Variants in WDPCP observed in about 807,000 individuals in gnomAD.
WDPCP encodes WD repeat-containing and planar cell polarity effector protein fritz homolog.
A neutral mutation model predicts 93.1 loss-of-function variants in WDPCP; 71 were observed. That is an observed-to-expected ratio of 0.76 (90% CI 0.63 to 0.93). The LOEUF is 0.93. Ranked by LOEUF, WDPCP falls within the 40% of genes least tolerant of loss-of-function variation. The pLI, the probability that WDPCP is intolerant of heterozygous loss-of-function variation, is 0.00. For synonymous variants in WDPCP, 315 were observed against 315.0 expected (o/e 1.00, Z 0.00); for missense variants, 844 against 887.4 (o/e 0.95, Z 0.62).
chr2:63,165,754 T>G (rs377275741), intron 15 of WDPCP, among the ~76,000 whole-genome samples: 1 of 151,582 alleles, frequency 6.6e-6, no homozygotes, highest in East Asian at 1.9e-4. Flanking sequence ...CGAAGTAGTC[T>G]CTTATGATTA....
chr2:63,430,092 G>GA (rs1453174594), intron 9 of WDPCP, among the ~76,000 whole-genome samples: 6 of 151,870 alleles, frequency 4.0e-5, no homozygotes, highest in Non-Finnish European at 8.8e-5. Flanking sequence ...GATACAGCTG[G>GA]AGGCCACTAA....
rs138844982 is a variant in WDPCP at position 63,709,738 on chromosome 2, A to T, written n.309-58900T>A. ...GCATATTTTCCATTCCTACCTTGGG[A>T]TGTATGCTTCTAGAATAATGTATGC... On this transcript the variant is annotated intron_variant and non_coding_transcript_variant, in intron 2 of 4. Coordinates refer to the WDPCP transcript ENST00000467687. Among the ~76,000 whole-genome samples, 3 of 152,268 alleles carry T rather than the reference A, an allele frequency of 2.0e-5. No homozygotes were observed. The East Asian group carries it at 5.8e-4, about 29-fold the overall frequency.
chr2:63,144,539 C>T (rs1333281880), intron 17 of WDPCP, among the ~76,000 whole-genome samples: 1 of 152,248 alleles, frequency 6.6e-6, no homozygotes, highest in Non-Finnish European at 1.5e-5. Flanking sequence ...GAGGGGTGAG[C>T]CACCATGCCT....
intron 2 of WDPCP, among the ~76,000 whole-genome samples, chr2:63,672,892 T>C (rs1281899882): frequency 6.6e-6 from 1 of 152,026 alleles, no homozygotes; most frequent in African/African-American, 2.4e-5. Context: ...CATAGGCATG[T>C]GCCGCCATGC....
chr2:63,331,153 AT>A (rs919222671), intron 12 of WDPCP, among the ~76,000 whole-genome samples: 2 of 152,098 alleles, frequency 1.3e-5, no homozygotes, highest in Non-Finnish European at 2.9e-5. Flanking sequence ...ATCATGCCTA[AT>A]TTTTTTAAAG....
intron 1 of WDPCP, among the ~76,000 whole-genome samples, chr2:63,571,941 A>G (rs1011986083): frequency 2.0e-5 from 3 of 152,196 alleles, no homozygotes; most frequent in Non-Finnish European, 4.4e-5. Context: ...CCAGACACAT[A>G]ATCATGTACT....
In WDPCP at chr2:63,746,509, C is replaced by G. The variant is rs1190476388; in HGVS notation, n.308+67113G>C. ...GACAGAGCCATACTTCTCTTATTACCGAAAACAGGTAAGAGAAATATCGCT... is the reference window on the plus strand; with the variant it reads ...GACAGAGCCATACTTCTCTTATTACGGAAAACAGGTAAGAGAAATATCGCT... On this transcript the variant is annotated intron_variant and non_coding_transcript_variant, in intron 2 of 4. Transcript: ENST00000467687. Among the ~76,000 whole-genome samples the G allele has an allele frequency of 3.3e-5, 5 of 152,066 alleles. No homozygotes were observed. In the East Asian group the frequency reaches 9.7e-4, roughly 29 times the overall value.
intron 13 of WDPCP, among the ~76,000 whole-genome samples, chr2:63,292,132 C>CAAAAAA (rs58370764): frequency 1.5e-3 from 127 of 82,714 alleles, no homozygotes; most frequent in Non-Finnish European, 2.3e-3. Context: ...GACTCCGGCT[C>CAAAAAA]AAAAAAAAAA....
chr2:63,219,739 G>A (rs1574908623), intron 14 of WDPCP, among the ~76,000 whole-genome samples: 1 of 152,104 alleles, frequency 6.6e-6, no homozygotes, highest in Non-Finnish European at 1.5e-5. Flanking sequence ...GGTGGCTCAC[G>A]CCTGTAATCC....
intron 10 of WDPCP, among the ~76,000 whole-genome samples, chr2:63,397,173 C>T (rs780516490): frequency 1.3e-4 from 20 of 152,030 alleles, no homozygotes; most frequent in Non-Finnish European, 2.1e-4. Context: ...ATGACAGTGA[C>T]GCTGAATTGA....
At chr2:63,691,407 G>T (rs975846040) in intron 2 of WDPCP, among the ~76,000 whole-genome samples, 2 of 152,180 alleles carry the variant, frequency 1.3e-5, no homozygotes, top group African/African-American at 2.4e-5. Flanking sequence ...GGCTAAGGCG[G>T]GCAGATCACT....
intron 12 of WDPCP, among the ~76,000 whole-genome samples, chr2:63,371,647 T>A (rs978856767): frequency 6.6e-6 from 1 of 151,984 alleles, no homozygotes; most frequent in Non-Finnish European, 1.5e-5. Flanking sequence ...CTTTTTTTTT[T>A]AATAGTATGA....
intron 10 of WDPCP, among the ~76,000 whole-genome samples, chr2:63,402,724 G>A (rs1469750052): frequency 1.3e-5 from 2 of 152,118 alleles, no homozygotes; most frequent in African/African-American, 4.8e-5. Flanking sequence ...CTCACTGCAA[G>A]CTCCGCCTCC....
intron 14 of WDPCP, among the ~76,000 whole-genome samples, chr2:63,182,866 C>A (rs1674354369): frequency 7.2e-6 from 1 of 139,494 alleles, no homozygotes; most frequent in African/African-American, 2.7e-5. Flanking sequence ...TCTATGTGTT[C>A]AATCTCGGGT....
intron 6 of WDPCP, among the ~76,000 whole-genome samples, chr2:63,444,148 C>G (rs1019246287): frequency 6.6e-6 from 1 of 152,054 alleles, no homozygotes; most frequent in African/African-American, 2.4e-5. Flanking sequence ...AAGGTCTGAG[C>G]TCTGGGACAT....
At chr2:63,325,686 A>G (rs1266138932) in intron 12 of WDPCP, among the ~76,000 whole-genome samples, 1 of 152,220 alleles carries the variant, frequency 6.6e-6, no homozygotes, top group African/African-American at 2.4e-5. Context: ...GTTATGCCTG[A>G]AAGTCCCATA....
intron 13 of WDPCP, among the ~76,000 whole-genome samples, chr2:63,288,366 T>A (rs1367652443): frequency 6.6e-6 from 1 of 152,226 alleles, no homozygotes; most frequent in African/African-American, 2.4e-5. Context: ...AGAGGTTACC[T>A]GAATTTTCAA....
rs188034226 is a variant in WDPCP at position 63,390,501 on chromosome 2, A to C, written c.1436-8407T>G. ...TCACAATTAAAAGAATAGAGAAGCA[A>C]GAGCAAACACATTCAAAAGCTAGCA... On this transcript the variant is annotated intron_variant, in intron 10 of 17. Transcript: ENST00000272321. Among the ~76,000 whole-genome samples, 23 of 152,350 alleles carry C rather than the reference A, an allele frequency of 1.5e-4. No homozygotes were observed. The East Asian group carries it at 4.4e-3, about 29-fold the overall frequency.
the WDPCP span, among the ~76,000 whole-genome samples, chr2:63,839,493 G>A: frequency 1.3e-5 from 2 of 152,252 alleles, no homozygotes. Context: ...GGGAGGCGGA[G>A]GTTGCAGTGA....
Sources: gnomAD v4.1 joint callset for allele counts (sites outside exome capture counted in the v4.1 genomes callset) on GRCh38, gnomAD v4.1.1 for gene constraint, MANE v1.5 for transcripts, NCBI Gene and HGNC (gene_info 2026-07-23, HGNC 2026-07-21) for gene names.